The following CNTNAP2 variants were observed in gnomAD, a reference collection of about 807,000 sequenced individuals.
CNTNAP2 encodes contactin-associated protein-like 2.
CNTNAP2 carries 98 observed loss-of-function variants against 155.2 expected under a neutral mutation model. The observed-to-expected ratio is 0.63, with a 90% CI of 0.54 to 0.75. The LOEUF (loss-of-function observed/expected upper bound fraction) is 0.75. CNTNAP2 is among the 30% of genes least tolerant of loss of function. CNTNAP2 has a pLI of 0.00. For missense variants in CNTNAP2, 1,727 were observed against 1,688.1 expected (o/e 1.02, Z -0.40); for synonymous variants, 651 against 631.2 (o/e 1.03, Z -0.47).
intron 8 of CNTNAP2, among the ~76,000 whole-genome samples, chr7:147,208,716 C>T (rs1481844303): frequency 6.6e-6 from 1 of 151,796 alleles, no homozygotes; most frequent in Admixed American, 6.6e-5. Context: ...CTAATATATG[C>T]AAGTAGTACT....
intron 1 of CNTNAP2, among the ~76,000 whole-genome samples, chr7:146,548,178 T>C (rs187087226): frequency 1.0e-3 from 159 of 152,110 alleles, no homozygotes; most frequent in Non-Finnish European, 1.5e-3. Context: ...CCACGTGTTT[T>C]CATCATTTCA....
intron 2 of CNTNAP2, among the ~76,000 whole-genome samples, chr7:146,824,747 C>T (rs190674941): frequency 6.6e-6 from 1 of 151,862 alleles, no homozygotes; most frequent in Non-Finnish European, 1.5e-5. Flanking sequence ...ACAGGAAATG[C>T]AATTCTATTT....
At chr7:146,605,428 G>T (rs1365411664) in intron 1 of CNTNAP2, among the ~76,000 whole-genome samples, 1 of 151,166 alleles carries the variant, frequency 6.6e-6, no homozygotes, top group African/African-American at 2.4e-5. Context: ...TCATGGTGTT[G>T]CCCTAGTACC....
At chr7:146,122,426 C>T (rs1797577199) in intron 1 of CNTNAP2, among the ~76,000 whole-genome samples, 1 of 152,178 alleles carries the variant, frequency 6.6e-6, no homozygotes, top group Non-Finnish European at 1.5e-5. Flanking sequence ...TATTTCCTCT[C>T]TGTGAGTTAT....
intron 3 of CNTNAP2, among the ~76,000 whole-genome samples, chr7:147,011,418 CAAA>C (rs759844476): frequency 1.5e-4 from 2 of 13,258 alleles, no homozygotes; most frequent in Non-Finnish European, 3.5e-4. Flanking sequence ...CACTCCATCT[CAAA>C]AAAAAAAAAA....
At chr7:146,275,706 T>C (rs1349561149) in intron 1 of CNTNAP2, among the ~76,000 whole-genome samples, 3 of 152,168 alleles carry the variant, frequency 2.0e-5, no homozygotes, top group Non-Finnish European at 2.9e-5. Context: ...TAAGCACACA[T>C]ATCCACTGGC....
At chr7:146,994,067 G>T (rs1470931034) in intron 3 of CNTNAP2, among the ~76,000 whole-genome samples, 3 of 152,056 alleles carry the variant, frequency 2.0e-5, no homozygotes, top group African/African-American at 7.2e-5. Context: ...CTCACTTTCT[G>T]TAGATGATTC....
At chr7:147,411,501 A>G (rs1359902453) in intron 10 of CNTNAP2, among the ~76,000 whole-genome samples, 1 of 152,202 alleles carries the variant, frequency 6.6e-6, no homozygotes, top group Non-Finnish European at 1.5e-5. Context: ...TCTGAAATAG[A>G]CAATTCAGGC....
chr7:146,341,985 T>C (rs1794736499), intron 1 of CNTNAP2, among the ~76,000 whole-genome samples: 1 of 152,210 alleles, frequency 6.6e-6, no homozygotes, highest in African/African-American at 2.4e-5. Context: ...TTAATGTTTG[T>C]AGCACATTGA....
At chr7:146,386,246 T>C (rs960696338) in intron 1 of CNTNAP2, among the ~76,000 whole-genome samples, 1 of 152,150 alleles carries the variant, frequency 6.6e-6, no homozygotes, top group African/African-American at 2.4e-5. Flanking sequence ...TCCCCTCCAT[T>C]TGTCCCATTA....
At chr7:146,308,635 A>C (rs1203129978) in intron 1 of CNTNAP2, among the ~76,000 whole-genome samples, 1 of 152,204 alleles carries the variant, frequency 6.6e-6, no homozygotes, top group Non-Finnish European at 1.5e-5. Context: ...ACACCATGGA[A>C]TACTATTCAG....
chr7:148,332,110 T>G (rs1403321411), intron 21 of CNTNAP2, among the ~76,000 whole-genome samples: 1 of 142,478 alleles, frequency 7.0e-6, no homozygotes, highest in Non-Finnish European at 1.5e-5. Context: ...TGTTTTAAAA[T>G]AGATATACAA....
At chr7:146,688,054 C>G (rs1197626295) in intron 1 of CNTNAP2, among the ~76,000 whole-genome samples, 1 of 152,100 alleles carries the variant, frequency 6.6e-6, no homozygotes, top group Non-Finnish European at 1.5e-5. Flanking sequence ...AAAGATGTCG[C>G]TGAAAAGACA....
At chr7:147,090,140 A>C (rs1418529402) in intron 4 of CNTNAP2, among the ~76,000 whole-genome samples, 1 of 152,196 alleles carries the variant, frequency 6.6e-6, no homozygotes, top group Non-Finnish European at 1.5e-5. Context: ...AAATCCATTC[A>C]TGCATGTTAT....
At chr7:146,331,331 C>G (rs1345145465) in intron 1 of CNTNAP2, among the ~76,000 whole-genome samples, 2 of 151,128 alleles carry the variant, frequency 1.3e-5, no homozygotes, top group African/African-American at 4.9e-5. Flanking sequence ...AAATAACCAA[C>G]TATCATATAA....
intron 8 of CNTNAP2, among the ~76,000 whole-genome samples, chr7:147,172,605 GC>G (rs1156460446): frequency 1.2e-4 from 18 of 152,044 alleles, no homozygotes; most frequent in African/African-American, 4.1e-4. Flanking sequence ...TGTAAGATAT[GC>G]CATTGTTCAG....
At chr7:147,360,726 T>G (rs555492577) in intron 9 of CNTNAP2, among the ~76,000 whole-genome samples, 1 of 152,274 alleles carries the variant, frequency 6.6e-6, no homozygotes, top group South Asian at 2.1e-4. Flanking sequence ...GGATATTTAT[T>G]AATTTTATAT....
At chr7:147,692,372 A>G (rs576147442) in intron 13 of CNTNAP2, among the ~76,000 whole-genome samples, 60 of 152,152 alleles carry the variant, frequency 3.9e-4, no homozygotes, top group African/African-American at 1.4e-3. Flanking sequence ...TAAATACCAA[A>G]CAACACTATT....
intron 3 of CNTNAP2, among the ~76,000 whole-genome samples, chr7:146,946,121 TC>T: frequency 6.6e-6 from 1 of 151,360 alleles, no homozygotes; most frequent in African/African-American, 2.4e-5. Flanking sequence ...CTTCCTTCCT[TC>T]TTTCCTTCCT....
Sources: allele counts gnomAD v4.1 joint callset (sites outside exome capture counted in the v4.1 genomes callset), GRCh38; gene constraint gnomAD v4.1.1; transcripts MANE v1.5; gene names NCBI Gene and HGNC (gene_info 2026-07-23, HGNC 2026-07-21).